The following POT1 variants were observed in gnomAD, a reference collection of about 807,000 sequenced individuals.
POT1 encodes protection of telomeres protein 1.
Under a neutral mutation model 78.5 loss-of-function variants are expected in POT1, and 47 were observed. The observed-to-expected ratio is 0.60, with a 90% CI of 0.47 to 0.76. POT1 has a LOEUF of 0.76. POT1 is among the 30% of genes least tolerant of loss of function. The pLI is 0.00. For missense variants in POT1, 646 were observed against 749.9 expected, an observed-to-expected ratio of 0.86 and a Z score of 1.62; for synonymous variants, 259 against 260.7, an observed-to-expected ratio of 0.99 and a Z score of 0.06.
chr7:124,882,284 T>C (rs1796137803), intron 6 of POT1, among the ~76,000 whole-genome samples: 1 of 152,150 alleles, frequency 6.6e-6, no homozygotes, highest in South Asian at 2.1e-4. Context: ...ACTATTCCAT[T>C]GGTAGAAAAG....
chr7:124,927,375 C>T (rs1797299320), intron 2 of POT1, among the ~76,000 whole-genome samples: 1 of 152,082 alleles, frequency 6.6e-6, no homozygotes, highest in Non-Finnish European at 1.5e-5. Context: ...GCTATTAGAC[C>T]TTGAATAAAT....
intron 9 of POT1, among the ~76,000 whole-genome samples, chr7:124,858,619 A>G (rs1331632459): frequency 2.0e-5 from 3 of 152,092 alleles, no homozygotes; most frequent in African/African-American, 4.8e-5. Context: ...CAGTTTACCA[A>G]GCTTAGCATT....
intron 6 of POT1, among the ~76,000 whole-genome samples, chr7:124,883,847 A>C (rs1331271494): frequency 1.3e-5 from 2 of 151,876 alleles, no homozygotes; most frequent in Non-Finnish European, 2.9e-5. Flanking sequence ...AATAATTATT[A>C]CATATAATTT....
chr7:124,897,278 G>C, intron 4 of POT1, 66 bp from the exon 5 acceptor site: 2 of 584,312 alleles, frequency 3.4e-6, no homozygotes, highest in Non-Finnish European at 5.7e-6. Flanking sequence ...CATGCTTTTA[G>C]TTGTAGTAAA....
At chr7:124,854,003 C>A (rs917383062) in intron 9 of POT1, among the ~76,000 whole-genome samples, 2 of 151,988 alleles carry the variant, frequency 1.3e-5, no homozygotes, top group African/African-American at 4.8e-5. Flanking sequence ...AAATATAGCA[C>A]TCCTGACTAC....
Position 124,865,677 on chromosome 7 carries a change from C to A in POT1, c.256-2037G>T, listed in dbSNP as rs576603889. 2.6e-5 allele frequency among the ~76,000 whole-genome samples: 4 copies of A among 151,088 alleles called. No homozygotes were observed. The South Asian group carries it at 8.3e-4, about 31-fold the overall frequency. ...TCACTGAATCTATTTTCACTTAATT[C>A]CTTTTTTAAGTTATTTTATTTATTA... On this transcript the variant is annotated intron_variant, in intron 7 of 18. Transcript: ENST00000357628.
At chr7:124,875,064 T>G (rs1219979998) in intron 6 of POT1, among the ~76,000 whole-genome samples, 2 of 152,172 alleles carry the variant, frequency 1.3e-5, no homozygotes, top group African/African-American at 4.8e-5. Flanking sequence ...AAGTTTCCTT[T>G]GTCAATATTT....
intron 3 of POT1, among the ~76,000 whole-genome samples, chr7:124,912,956 T>C (rs1796926341): frequency 6.6e-6 from 1 of 152,172 alleles, no homozygotes; most frequent in Admixed American, 6.5e-5. Context: ...AAGAGGTATA[T>C]TGGCCTTACA....
At chr7:124,907,616 T>C (rs1796797036) in intron 3 of POT1, among the ~76,000 whole-genome samples, 3 of 152,074 alleles carry the variant, frequency 2.0e-5, no homozygotes, top group South Asian at 4.1e-4. Context: ...TCAAAACTCA[T>C]AGAATGTACA....
intron 3 of POT1, among the ~76,000 whole-genome samples, chr7:124,914,213 C>A (rs59294613): frequency 0.28 from 41,783 of 151,028 alleles, 5,899 homozygotes; most frequent in Middle Eastern, 0.3. Context: ...TATCCTTATG[C>A]CAGTACCACT....
intron 16 of POT1, chr7:124,828,927 T>C (rs1318084173): frequency 1.7e-6 from 1 of 584,122 alleles, no homozygotes; most frequent in Non-Finnish European, 3.3e-6. Flanking sequence ...CTATTCTGAA[T>C]TGGCCAAACA....
chr7:124,871,052 CA>C lies in POT1; in HGVS notation c.125-12del. ...CAACTGAGCAATAATCTGGAAAACACAAAAATATTTTACCTGACTTTCAATA... is the reference window on the plus strand; with the variant it reads ...CAACTGAGCAATAATCTGGAAAACACAAAATATTTTACCTGACTTTCAATA... On this transcript the variant is annotated splice_polypyrimidine_tract_variant and intron_variant, in intron 6 of 18. Transcript: ENST00000357628. 6.4e-7 allele frequency: 1 copy of C among 1,557,398 alleles called. No individual in the cohort carries two copies. Among genetic ancestry groups the C allele is most frequent in the East Asian group, 2.3e-5 (1 of 43,326 alleles).
intron 7 of POT1, among the ~76,000 whole-genome samples, chr7:124,867,357 C>G (rs1298565572): frequency 1.3e-5 from 2 of 152,010 alleles, no homozygotes; most frequent in East Asian, 3.9e-4. Context: ...ACATTTAAAA[C>G]CCTCTAATGA....
At chr7:124,921,453 G>A (rs1392484024) in intron 2 of POT1, among the ~76,000 whole-genome samples, 1 of 152,006 alleles carries the variant, frequency 6.6e-6, no homozygotes, top group Non-Finnish European at 1.5e-5. Flanking sequence ...TATTTAATAA[G>A]AAAGAAAATT....
At chr7:124,870,840 C>G (rs1192127885) in intron 7 of POT1, 71 bp downstream of exon 7, 1 of 1,268,566 alleles carries the variant, frequency 7.9e-7, no homozygotes, top group African/African-American at 1.5e-5. Context: ...ATAATTAGTG[C>G]TAACTAGTTT....
At chr7:124,853,243 G>C (rs1795359590) in intron 9 of POT1, 105 bp from the exon 10 acceptor site, 1 of 817,142 alleles carries the variant, frequency 1.2e-6, no homozygotes, top group Non-Finnish European at 1.9e-6. Context: ...GCACTGACCA[G>C]TCAGGAAATA....
intron 7 of POT1, among the ~76,000 whole-genome samples, chr7:124,865,872 T>C (rs756778439): frequency 2.6e-4 from 40 of 152,088 alleles, no homozygotes; most frequent in Non-Finnish European, 4.0e-4. Flanking sequence ...AAGTTTTTGT[T>C]TAATAAAGAC....
intron 16 of POT1, among the ~76,000 whole-genome samples, chr7:124,828,701 G>GA (rs949723311): frequency 1.3e-4 from 19 of 151,062 alleles, no homozygotes; most frequent in South Asian, 2.1e-4. Context: ...TCATGTGACA[G>GA]AAAAAAAAAT....
At chr7:124,884,236 A>G (rs1411014107) in intron 6 of POT1, among the ~76,000 whole-genome samples, 1 of 152,048 alleles carries the variant, frequency 6.6e-6, no homozygotes, top group Non-Finnish European at 1.5e-5. Flanking sequence ...ATAGAACAGG[A>G]AAAGAAAAAA....
Sources: allele counts gnomAD v4.1 joint callset (sites outside exome capture counted in the v4.1 genomes callset), GRCh38; gene constraint gnomAD v4.1.1; transcripts MANE v1.5; gene names NCBI Gene and HGNC (gene_info 2026-07-23, HGNC 2026-07-21).